LRP2: variants seen among roughly 807,000 people sequenced by gnomAD.
The protein encoded by LRP2 is low-density lipoprotein receptor-related protein 2.
A neutral mutation model predicts 531.0 loss-of-function variants in LRP2; 172 were observed. That is an observed-to-expected ratio of 0.32 (90% CI 0.29 to 0.37). LRP2 has a LOEUF of 0.37. Among genes scored for constraint, LRP2 ranks in the 10% least tolerant of loss-of-function variants. The probability of loss-of-function intolerance (pLI) is 1.00; values close to 1 mark genes in which losing one functional copy is unlikely to be tolerated. For synonymous variants in LRP2, 1,992 were observed against 2,027.6 expected (o/e 0.98, Z 0.47); for missense variants, 5,167 against 5,868.3 (o/e 0.88, Z 3.90).
chr2:169,139,381 A>T lies in LRP2; in HGVS notation c.13268-10T>A, dbSNP rs1443838319. The T allele has an allele frequency of 6.2e-7, 1 of 1,614,044 alleles. No individual in the cohort carries two copies. The highest frequency in any genetic ancestry group is 8.5e-7 in the Non-Finnish European group (1 of 1,180,026). ...AGCACAGCTACTGCGGCTATAGAAGAAGATAGCAGAGAGCACATCAACACA... is the reference window on the plus strand; with the variant it reads ...AGCACAGCTACTGCGGCTATAGAAGTAGATAGCAGAGAGCACATCAACACA... On this transcript the variant is annotated splice_polypyrimidine_tract_variant and intron_variant, in intron 73 of 78. Transcript: ENST00000649046.
intron 9 of LRP2, among the ~76,000 whole-genome samples, chr2:169,285,017 T>C (rs1683815028): frequency 2.0e-5 from 3 of 152,086 alleles, no homozygotes; most frequent in Admixed American, 2.0e-4. Flanking sequence ...TTTAAAGATT[T>C]GAATGAGTGG....
intron 56 of LRP2, 74 bp downstream of exon 56, chr2:169,173,845 T>G (rs1687087400): frequency 6.3e-7 from 1 of 1,596,464 alleles, no homozygotes; most frequent in African/African-American, 1.3e-5. Context: ...CTCCATGTCC[T>G]CTCTCAGTCC....
At chr2:169,246,359 G>A (rs79091165) in intron 21 of LRP2, among the ~76,000 whole-genome samples, 2,789 of 152,070 alleles carry the variant, frequency 0.018, 87 homozygotes, top group African/African-American at 0.064. Context: ...CTCCTGTCTC[G>A]GCCTCCGATT....
chr2:169,259,393 G>T (rs1457543264), intron 16 of LRP2, among the ~76,000 whole-genome samples, 176 bp from the exon 17 acceptor site: 1 of 148,542 alleles, frequency 6.7e-6, no homozygotes, highest in African/African-American at 2.5e-5. Flanking sequence ...GCAATAACAT[G>T]AGACAAACCT....
At chr2:169,133,382 T>C (rs1463594728) in intron 76 of LRP2, among the ~76,000 whole-genome samples, 1 of 152,258 alleles carries the variant, frequency 6.6e-6, no homozygotes. Flanking sequence ...TGCATTTGTA[T>C]ACATGGCCTC....
At chr2:169,174,499 G>A (rs1687116841) in intron 55 of LRP2, among the ~76,000 whole-genome samples, 1 of 152,118 alleles carries the variant, frequency 6.6e-6, no homozygotes, top group Non-Finnish European at 1.5e-5. Flanking sequence ...GTTGTTTTTA[G>A]TTTGGGGGAA....
At chr2:169,266,340 A>T (rs1690799038) in intron 16 of LRP2, among the ~76,000 whole-genome samples, 1 of 152,002 alleles carries the variant, frequency 6.6e-6, no homozygotes, top group South Asian at 2.1e-4. Context: ...AATAGTCAAA[A>T]GAGCTGTTCC....
At chr2:169,128,972 A>G in intron 78 of LRP2, 41 bp downstream of exon 78, 1 of 1,561,772 alleles carries the variant, frequency 6.4e-7, no homozygotes, top group South Asian at 1.1e-5. Flanking sequence ...AATAATTTCT[A>G]AGAAAAAATG....
At position 169,142,787 on chromosome 2, in the gene LRP2, T is replaced by C. The variant is rs1685770265; in HGVS notation, c.12995A>G (p.Asn4332Ser). ...HQLRYNKSVP[N>S]LCKQICSHLC... ...GTGGCTGCAGATCTGTTTGCAAAGG[T>C]TGGGCACTGGAAAGCGGGTGAGAAC... The change falls in exon 71 of 79, where the codon AAC becomes AGC. Residue 4332 changes from asparagine (N) to serine (S), a missense_variant. Asn to Ser is a conservative substitution (Grantham distance 46). Coordinates refer to ENST00000649046, the MANE Select transcript of LRP2 (RefSeq NM_004525.3). The C allele has an allele frequency of 1.9e-6, 3 of 1,613,934 alleles. No individual in the cohort carries two copies. Among genetic ancestry groups the C allele is most frequent in the Non-Finnish European group, 2.5e-6 (3 of 1,179,886 alleles).
intron 28 of LRP2, 113 bp from the exon 29 acceptor site, chr2:169,236,181 C>G: frequency 1.2e-6 from 1 of 826,538 alleles, no homozygotes; most frequent in Non-Finnish European, 2.0e-6. Context: ...TAAATCATCT[C>G]TGGTTCAGAA....
chr2:169,257,762 G>T (rs1690362792), intron 17 of LRP2, among the ~76,000 whole-genome samples: 1 of 145,310 alleles, frequency 6.9e-6, no homozygotes, highest in Admixed American at 7.0e-5. Flanking sequence ...TCTGACCCAA[G>T]CATTTTTTTA....
Position 169,246,691 on chromosome 2 carries a change from G to C in LRP2, c.3190+14C>G, listed in dbSNP as rs1690018191. ...ATTCATCCCAGGAAATATCGCCAGT[G>C]CATAGCTACTTACTAAGTGTGCCAC... On this transcript the variant is annotated intron_variant, in intron 21 of 78. Transcript: ENST00000649046. The C allele has an allele frequency of 6.2e-7, 1 of 1,613,954 alleles. No homozygotes were observed.
chr2:169,152,755 C>A (rs921046754), intron 67 of LRP2, 44 bp downstream of exon 67: 1 of 1,611,294 alleles, frequency 6.2e-7, no homozygotes, highest in Admixed American at 1.7e-5. Flanking sequence ...GAACTCTAAC[C>A]AGGAAAACAG....
intron 45 of LRP2, among the ~76,000 whole-genome samples, chr2:169,197,231 C>T (rs1262825185): frequency 6.6e-6 from 1 of 151,710 alleles, no homozygotes; most frequent in Non-Finnish European, 1.5e-5. Flanking sequence ...GCCCCAATTC[C>T]CCAATTTGTT....
At chr2:169,310,628 T>A (rs925686315) in intron 3 of LRP2, among the ~76,000 whole-genome samples, 9 of 152,262 alleles carry the variant, frequency 5.9e-5, no homozygotes, top group Non-Finnish European at 1.3e-4. Context: ...GATTTTTGCA[T>A]CGATGTTCAT....
chr2:169,348,497 C>A (rs1280561538), intron 1 of LRP2, among the ~76,000 whole-genome samples: 1 of 152,170 alleles, frequency 6.6e-6, no homozygotes, highest in African/African-American at 2.4e-5. Flanking sequence ...AGTGGAGAAA[C>A]CACTCCCCTC....
chr2:169,142,127 C>A (rs1447746517), intron 71 of LRP2, among the ~76,000 whole-genome samples: 1 of 152,206 alleles, frequency 6.6e-6, no homozygotes, highest in Non-Finnish European at 1.5e-5. Flanking sequence ...TCGCCCCCAT[C>A]CGGCTTATTA....
In LRP2 at chr2:169,236,023, G is replaced by A. The variant is rs750285439; in HGVS notation, c.4737C>T (p.Ile1579=). 22 of 1,614,002 alleles carry A rather than the reference G, an allele frequency of 1.4e-5. No individual in the cohort carries two copies. Among genetic ancestry groups the A allele is most frequent in the African/African-American group, 9.3e-5 (7 of 74,934 alleles). The change falls in exon 29 of 79, where the codon ATC becomes ATT. Residue 1579 remains isoleucine (I), a synonymous_variant. Transcript: ENST00000649046. ...TGCTGCCGTCCATGCTGGCTCGCTC[G>A]ATGCGAGGGTGGTGGCCCCAGTCAG... is the stretch of plus-strand genomic sequence containing the variant. ...FWSDWGHHPR[I]ERASMDGSMR... is the part of the protein sequence containing the mutation.
Position 169,232,280 on chromosome 2 carries a change from G to A in LRP2, c.5099-438C>T, listed in dbSNP as rs564636224. Among the ~76,000 whole-genome samples the A allele has an allele frequency of 4.6e-5, 7 of 151,932 alleles. No individual in the cohort carries two copies. The South Asian group carries it at 1.5e-3, about 32-fold the overall frequency. On this transcript the variant is annotated intron_variant, in intron 30 of 78. Coordinates refer to ENST00000649046, the MANE Select transcript of LRP2 (RefSeq NM_004525.3). ...CCTAGAGTTTTCCAGATTTTGGTTA[G>A]ATAATAATCTTTTATTTTTCTACTG...
Sources: allele counts gnomAD v4.1 joint callset (sites outside exome capture counted in the v4.1 genomes callset), GRCh38; gene constraint gnomAD v4.1.1; transcripts MANE v1.5; gene names NCBI Gene and HGNC (gene_info 2026-07-23, HGNC 2026-07-21).